Variants in CRB2 observed in about 807,000 individuals in gnomAD.
CRB2 encodes the protein crumbs cell polarity complex component 2.
In CRB2, 85 loss-of-function variants were observed where a neutral mutation model predicts 110.9. The observed-to-expected ratio is 0.77, with a 90% CI of 0.64 to 0.92. CRB2 has a LOEUF of 0.92. Ranked by LOEUF, CRB2 falls within the 40% of genes least tolerant of loss-of-function variation. CRB2 has a pLI of 0.00. For missense variants in CRB2, 1,843 were observed against 1,851.3 expected (o/e 1.00, Z 0.08); for synonymous variants, 907 against 831.0 (o/e 1.09, Z -1.57).
chr9:123,373,771 C>T lies in CRB2; in HGVS notation c.3240C>T (p.Cys1080=), dbSNP rs1476921915. The stretch of plus-strand genomic sequence containing the variant: ...GTGACCTCTTCGACGCCTTTGCCTG[C>T]GCCTGCGGCCCGGGGTGGGAAGGCC... ...ACRDLFDAFA[C]ACGPGWEGPR... The change falls in exon 10 of 13, where the codon TGC becomes TGT. Residue 1080 remains cysteine, a synonymous_variant. Coordinates refer to ENST00000373631, the MANE Select transcript of CRB2 (RefSeq NM_173689.7). 8.8e-6 allele frequency: 14 copies of T among 1,590,554 alleles called. No homozygotes were observed. The highest frequency in any genetic ancestry group is 4.4e-5 in the South Asian group (4 of 89,986).
At chr9:123,358,436 A>AC (rs1252429503) in intron 1 of CRB2, among the ~76,000 whole-genome samples, 7 of 152,330 alleles carry the variant, frequency 4.6e-5, no homozygotes, top group South Asian at 4.1e-4. Flanking sequence ...CCCCTCCTCC[A>AC]GCCAGAAGGG....
rs762388891 is a variant in CRB2 at position 123,370,732 on chromosome 9, C to T, written c.1679C>T (p.Thr560Ile). ...PVALASTASA[T>I]PLPAGISSAQ... ...GCCCTGGCTTCCACGGCTTCGGCAA[C>T]TCCGCTGCCTGCCGGGATCTCCTCT... is the stretch of plus-strand genomic sequence containing the variant. Residue 560 changes from threonine to isoleucine, a missense_variant, in exon 7 of 13, where the codon ACT becomes ATT. Thr to Ile is a moderately conservative substitution (Grantham distance 89, BLOSUM62 -1). Coordinates refer to ENST00000373631, the MANE Select transcript of CRB2 (RefSeq NM_173689.7). 1 of 1,603,418 alleles carries T rather than the reference C, an allele frequency of 6.2e-7. No homozygotes were observed. Among genetic ancestry groups the T allele is most frequent in the East Asian group, 2.2e-5 (1 of 44,874 alleles).
chr9:123,365,209 G>T (rs545925849), intron 2 of CRB2, among the ~76,000 whole-genome samples: 2 of 152,280 alleles, frequency 1.3e-5, no homozygotes, highest in East Asian at 1.9e-4. Context: ...ATTGCAGTGG[G>T]CTAAGATTGC....
intron 4 of CRB2, among the ~76,000 whole-genome samples, chr9:123,366,608 T>C (rs557424209): frequency 3.3e-5 from 5 of 152,272 alleles, no homozygotes; most frequent in South Asian, 4.1e-4. Context: ...TGGGAAGCCC[T>C]TGGGGAGGGC....
chr9:123,366,228 T>C lies in CRB2; in HGVS notation c.616T>C (p.Phe206Leu). The C allele has an allele frequency of 6.9e-7, 1 of 1,459,740 alleles. No homozygotes were observed. Among genetic ancestry groups the C allele is most frequent in the Non-Finnish European group, 9.0e-7 (1 of 1,115,478 alleles). 90.4% of individuals were successfully genotyped at this position (1,459,740 alleles called of 1,614,324 possible). The change falls in exon 4 of 13, where the codon TTC becomes CTC. Residue 206 changes from phenylalanine to leucine, a missense_variant and splice_region_variant. Physicochemically the swap from Phe to Leu is conservative, Grantham distance 22. Coordinates refer to ENST00000373631, the MANE Select transcript of CRB2 (RefSeq NM_173689.7). ...GGTCHDLVNG[F>L]RCDCAGTGYE... ...GCTCCGCCGGTGCGCCCTCCCCAGG[T>C]TCCGGTGCGACTGCGCGGGCACCGG... is the stretch of plus-strand genomic sequence containing the variant.
At position 123,362,768 on chromosome 9, in the gene CRB2, G is replaced by A. The variant is rs1234686404; in HGVS notation, c.95-97G>A. The A allele has an allele frequency of 4.8e-5, 58 of 1,212,170 alleles. No individual in the cohort carries two copies. In the East Asian group the frequency reaches 7.5e-4, roughly 16 times the overall value. The allele number at this position is 1,212,170 out of a possible 1,614,324, so 75.1% of individuals were successfully genotyped here. On this transcript the variant is annotated intron_variant, in intron 1 of 12. Coordinates refer to ENST00000373631, the MANE Select transcript of CRB2 (RefSeq NM_173689.7). Reference sequence around the variant, plus strand: ...CCATACTGTGCATGCAGAGACCCACGTTGCTTTTGGGGTCTGGGGTGGGCC... The same window carrying A: ...CCATACTGTGCATGCAGAGACCCACATTGCTTTTGGGGTCTGGGGTGGGCC...
At chr9:123,356,079 C>T (rs1445532013), upstream of CRB2, 2 of 452,360 alleles carry the variant, frequency 4.4e-6, no homozygotes, top group East Asian at 6.8e-5. Flanking sequence ...CTAGGGACGT[C>T]CACGAGGTGG....
At chr9:123,360,501 C>T (rs1386217387) in intron 1 of CRB2, among the ~76,000 whole-genome samples, 1 of 152,152 alleles carries the variant, frequency 6.6e-6, no homozygotes, top group Non-Finnish European at 1.5e-5. Flanking sequence ...CTATCGTGGC[C>T]TCCTAGGCTC....
Position 123,373,235 on chromosome 9 carries a change from A to G in CRB2, c.2704A>G (p.Thr902Ala). The change falls in exon 10 of 13, where the codon ACG becomes GCG. Residue 902 changes from threonine (T) to alanine (A), a missense_variant. Transcript: ENST00000373631. ...CGGCGGCCTGTCGCTGGCCTTTCGC[A>G]CGCGCGACTCCGAGGCCTGGCTGCT... ...LLGGLSLAFRTRDSEAWLLRA... is the reference protein window; with the variant it reads ...LLGGLSLAFRARDSEAWLLRA... 1 of 1,506,038 alleles carries G rather than the reference A, an allele frequency of 6.6e-7. No homozygotes were observed. 93.3% of individuals were successfully genotyped at this position (1,506,038 alleles called of 1,614,324 possible).
Position 123,377,016 on chromosome 9 carries a change from A to G in CRB2, c.3812A>G (p.Glu1271Gly). The change falls in exon 13 of 13, where the codon GAG becomes GGG. Residue 1271 changes from glutamate to glycine, a missense_variant. Transcript: ENST00000373631. ...SQQEVAGARL[E>G]MDSVLKVPPE... ...CAGGAGGTGGCTGGGGCCCGGCTGGAGATGGACAGTGTCCTCAAGGTGCCA... is the reference window on the plus strand; with the variant it reads ...CAGGAGGTGGCTGGGGCCCGGCTGGGGATGGACAGTGTCCTCAAGGTGCCA... 1.2e-6 allele frequency: 2 copies of G among 1,607,690 alleles called. No individual in the cohort carries two copies. Among genetic ancestry groups the G allele is most frequent in the Non-Finnish European group, 8.5e-7 (1 of 1,177,754 alleles).
Position 123,375,318 on chromosome 9 carries a change from T to A in CRB2, c.3608T>A (p.Phe1203Tyr). 1.9e-6 allele frequency: 3 copies of A among 1,605,866 alleles called. No individual in the cohort carries two copies. The highest frequency in any genetic ancestry group is 2.6e-6 in the Non-Finnish European group (3 of 1,175,604). ...GVSECICNARFSGQFCEVAKG... is the reference protein window; with the variant it reads ...GVSECICNARYSGQFCEVAKG... Reference sequence around the variant, plus strand: ...TCTGAATGTATCTGCAATGCCAGATTCTCCGGCCAGTTCTGTGAAGTGGCG... The same window carrying A: ...TCTGAATGTATCTGCAATGCCAGATACTCCGGCCAGTTCTGTGAAGTGGCG... Residue 1203 changes from phenylalanine to tyrosine, a missense_variant, in exon 12 of 13, where the codon TTC becomes TAC. Transcript: ENST00000373631.
Position 123,370,139 on chromosome 9 carries a change from C to A in CRB2, c.1086C>A (p.Cys362Ter). ...CATGTGAGGAAGATGTGGATGAATG[C>A]CTGTCGGATCCCTGCCTGCACGGCG... The part of the protein sequence containing the change: ...GPTCEEDVDE[C>*]LSDPCLHGGT... The change falls in exon 7 of 13, where the codon TGC (cysteine) becomes TGA (stop). Residue 362 changes from cysteine (C) to a stop codon, truncating the protein, a stop_gained. Transcript: ENST00000373631. LOFTEE classifies it high-confidence loss of function. 1 of 1,599,514 alleles carries A rather than the reference C, an allele frequency of 6.3e-7. No individual in the cohort carries two copies. The highest frequency in any genetic ancestry group is 1.1e-5 in the South Asian group (1 of 89,020).
At position 123,373,322 on chromosome 9, in the gene CRB2, G is replaced by A; in HGVS notation, c.2791G>A (p.Gly931Arg). The A allele has an allele frequency of 6.9e-7, 1 of 1,449,630 alleles. No individual in the cohort carries two copies. Among genetic ancestry groups the A allele is most frequent in the Non-Finnish European group, 9.0e-7 (1 of 1,110,280 alleles). The allele number at this position is 1,449,630 out of a possible 1,614,324, so 89.8% of individuals were successfully genotyped here. ...WLAVRNGSLA[G>R]GVRGGHGLPG... ...GGCGGTGCGCAATGGCTCGCTGGCG[G>A]GGGGCGTGCGCGGAGGCCATGGCCT... The change falls in exon 10 of 13, where the codon GGG becomes AGG. Residue 931 changes from glycine (G) to arginine (R), a missense_variant. Physicochemically the swap from Gly to Arg is moderately radical, Grantham distance 125. Coordinates refer to ENST00000373631, the MANE Select transcript of CRB2 (RefSeq NM_173689.7).
upstream of CRB2, among the ~76,000 whole-genome samples, chr9:123,355,168 G>A (rs1382675895): frequency 6.6e-6 from 1 of 152,226 alleles, no homozygotes; most frequent in Non-Finnish European, 1.5e-5. Context: ...GTTCTATGTT[G>A]TAGTGTCTCT....
chr9:123,367,702 T>C lies in CRB2; in HGVS notation c.1054+16T>C. ...GGCTACGCAGGTGTCTGGGGTGGGG[T>C]GGGCCCTGGGACCATCAGAATTGGT... On this transcript the variant is annotated intron_variant, in intron 6 of 12. Coordinates refer to ENST00000373631, the MANE Select transcript of CRB2 (RefSeq NM_173689.7). 1 of 1,507,744 alleles carries C rather than the reference T, an allele frequency of 6.6e-7. No homozygotes were observed. The highest frequency in any genetic ancestry group is 1.4e-5 in the African/African-American group (1 of 72,192). 93.4% of individuals were successfully genotyped at this position (1,507,744 alleles called of 1,614,324 possible). A position where few individuals can be genotyped will look rare whatever the true frequency, so the allele number is the denominator to read the frequency against.
At chr9:123,365,855 G>A (rs2132754705) in intron 2 of CRB2, 62 bp from the exon 3 acceptor site, 6 of 1,435,544 alleles carry the variant, frequency 4.2e-6, no homozygotes, top group East Asian at 5.4e-5. Context: ...GGCCTGGCGC[G>A]ACCTCTTCCG....
At chr9:123,368,319 G>A (rs1435367347) in intron 6 of CRB2, among the ~76,000 whole-genome samples, 2 of 152,044 alleles carry the variant, frequency 1.3e-5, no homozygotes, top group African/African-American at 4.8e-5. Context: ...TCTCTCACTC[G>A]CCTGAAGATG....
Position 123,372,182 on chromosome 9 carries a change from C to T in CRB2, c.2442C>T (p.Asp814=), listed in dbSNP as rs2042026120. ...CTGCCCTGCCTCTCCCACAGCCTGA[C>T]CCCTGTTTCAATGGTGGGACTTGCC... is the stretch of plus-strand genomic sequence containing the variant. ...GCVSEDMCSP[D]PCFNGGTCLV... The change falls in exon 9 of 13, where the codon GAC becomes GAT. Residue 814 remains aspartate, a synonymous_variant. Coordinates refer to ENST00000373631, the MANE Select transcript of CRB2 (RefSeq NM_173689.7). 4.3e-6 allele frequency: 7 copies of T among 1,613,984 alleles called. No homozygotes were observed. Among genetic ancestry groups the T allele is most frequent in the Non-Finnish European group, 5.9e-6 (7 of 1,180,012 alleles).
intron 1 of CRB2, among the ~76,000 whole-genome samples, chr9:123,360,821 A>G (rs1385567612): frequency 2.0e-5 from 3 of 152,172 alleles, no homozygotes; most frequent in Non-Finnish European, 4.4e-5. Context: ...GTAAATGCCA[A>G]GATCAACTGA....
Sources: allele counts gnomAD v4.1 joint callset (sites outside exome capture counted in the v4.1 genomes callset), GRCh38; gene constraint gnomAD v4.1.1; transcripts MANE v1.5; gene names NCBI Gene and HGNC (gene_info 2026-07-23, HGNC 2026-07-21).